Variants in TRIM9 observed in about 807,000 individuals in gnomAD.
TRIM9 encodes the protein E3 ubiquitin-protein ligase TRIM9.
A neutral mutation model predicts 78.3 loss-of-function variants in TRIM9; 26 were observed. The ratio of observed to expected loss-of-function variants is 0.33; its 90% CI spans 0.24 to 0.46. TRIM9 has a LOEUF of 0.46. Ranked by LOEUF, TRIM9 falls within the 20% of genes least tolerant of loss-of-function variation. The probability of loss-of-function intolerance (pLI) is 1.00; values close to 1 mark genes in which losing one functional copy is unlikely to be tolerated. For missense variants in TRIM9, 787 were observed against 1,036.4 expected, an observed-to-expected ratio of 0.76 and a Z score of 3.30; for synonymous variants, 398 against 416.5, an observed-to-expected ratio of 0.96 and a Z score of 0.54.
chr14:50,993,440 C>T (rs951492974), intron 7 of TRIM9, among the ~76,000 whole-genome samples: 1 of 151,672 alleles, frequency 6.6e-6, no homozygotes, highest in Non-Finnish European at 1.5e-5. Flanking sequence ...GCAATCTCAG[C>T]TCACCGCAAC....
At chr14:51,052,526 T>G (rs909375314) in intron 1 of TRIM9, among the ~76,000 whole-genome samples, 5 of 152,338 alleles carry the variant, frequency 3.3e-5, no homozygotes, top group African/African-American at 7.2e-5. Flanking sequence ...ATGGATTTGA[T>G]GTGAAATGGG....
chr14:51,015,505 C>CTTTTCTTTTT (rs1555338411), intron 3 of TRIM9, among the ~76,000 whole-genome samples: 1 of 61,330 alleles, frequency 1.6e-5, no homozygotes, highest in African/African-American at 6.8e-5. Flanking sequence ...CTTTACTTTT[C>CTTTTCTTTTT]TTTTTTTTTT....
intron 1 of TRIM9, among the ~76,000 whole-genome samples, chr14:51,059,626 C>T (rs2061168837): frequency 6.6e-6 from 1 of 151,916 alleles, no homozygotes; most frequent in Admixed American, 6.6e-5. Context: ...GGTGAAACCC[C>T]ATCTCTACTA....
chr14:51,063,636 C>A (rs1300100817), intron 1 of TRIM9, among the ~76,000 whole-genome samples: 2 of 151,960 alleles, frequency 1.3e-5, no homozygotes, highest in Non-Finnish European at 2.9e-5. Context: ...CTATAAGTAA[C>A]AGCTGACTTC....
rs77533096 is a variant in TRIM9, at chr14:51,000,960, G to A, written c.1307-120C>T. ...GAAGTAGCCAGAATGGGGTGCACAG[G>A]GGAACTGAACAGGATCCTTCACAGA... On this transcript the variant is annotated intron_variant, in intron 5 of 12. Transcript: ENST00000684578. 3,327 of 1,189,950 alleles carry A rather than the reference G, an allele frequency of 2.8e-3. 57 individuals carry two copies. In the African/African-American group the frequency reaches 0.043, roughly 16 times the overall value. 73.7% of individuals were successfully genotyped at this position (1,189,950 alleles called of 1,614,324 possible). A position where few individuals can be genotyped will look rare whatever the true frequency, so the allele number is the denominator to read the frequency against.
intron 7 of TRIM9, chr14:50,997,557 C>G: frequency 1.0e-6 from 1 of 997,506 alleles, no homozygotes; most frequent in Non-Finnish European, 1.2e-6. Context: ...CTAAACAGCT[C>G]TAGCACCCCA....
At chr14:51,078,040 T>A (rs955405176) in intron 1 of TRIM9, among the ~76,000 whole-genome samples, 1 of 152,218 alleles carries the variant, frequency 6.6e-6, no homozygotes, top group Non-Finnish European at 1.5e-5. Flanking sequence ...GAACAGCTCA[T>A]GGTCTTATCA....
rs181949524 is a variant in TRIM9, at chr14:51,049,593, C to T, written c.823-24233G>A. Among the ~76,000 whole-genome samples the T allele has an allele frequency of 1.8e-3, 281 of 151,978 alleles. 1 individual carries two copies. Among genetic ancestry groups the T allele is most frequent in the Middle Eastern group, 6.8e-3 (2 of 294 alleles). ...CTGTAATCCCAGCACTTTGGGAGGC[C>T]GAGAGGGGTGGATCATGAGGTCAGG... On this transcript the variant is annotated intron_variant, in intron 1 of 12. Transcript: ENST00000684578.
Position 51,079,578 on chromosome 14 carries a change from T to C in TRIM9, c.822+14540A>G, listed in dbSNP as rs993686231. ...AATCTTATTTTGACATTACAGGTTA[T>C]TGAGCAAGTGCATTACAATAATCTA... On this transcript the variant is annotated intron_variant, in intron 1 of 12. Coordinates refer to ENST00000684578, the MANE Select transcript of TRIM9 (RefSeq NM_001387360.1). Among the ~76,000 whole-genome samples the C allele has an allele frequency of 4.6e-5, 7 of 152,246 alleles. No individual in the cohort carries two copies. In the East Asian group the frequency reaches 7.7e-4, roughly 17 times the overall value.
At chr14:51,013,710 G>T (rs2056840237) in intron 3 of TRIM9, among the ~76,000 whole-genome samples, 1 of 152,042 alleles carries the variant, frequency 6.6e-6, no homozygotes, top group Non-Finnish European at 1.5e-5. Flanking sequence ...CATCCAGTAT[G>T]CCTGACAACC....
rs77674758 is a variant in TRIM9, at chr14:51,059,659, G to T, written c.823-34299C>A. Among the ~76,000 whole-genome samples the T allele has an allele frequency of 1.8e-4, 28 of 151,990 alleles. No homozygotes were observed. In the East Asian group the frequency reaches 5.4e-3, roughly 29 times the overall value. On this transcript the variant is annotated intron_variant, in intron 1 of 12. Transcript: ENST00000684578. Reference sequence around the variant, plus strand: ...CTAAAAATACAAAAATTAGCCGGGCGTGGTGGCACACACCTGCAGTCCTAG... The same window carrying T: ...CTAAAAATACAAAAATTAGCCGGGCTTGGTGGCACACACCTGCAGTCCTAG...
chr14:50,998,505 A>G (rs2054521224), intron 6 of TRIM9, among the ~76,000 whole-genome samples: 1 of 152,242 alleles, frequency 6.6e-6, no homozygotes, highest in Admixed American at 6.5e-5. Context: ...AGGGCTTAAA[A>G]AAAATAAAAC....
At chr14:50,991,883 A>T (rs961495746) in intron 7 of TRIM9, among the ~76,000 whole-genome samples, 12 of 152,234 alleles carry the variant, frequency 7.9e-5, no homozygotes, top group Admixed American at 2.0e-4. Context: ...GGTAGGATCA[A>T]TTCCTGGAGG....
chr14:51,016,241 G>C (rs1377900766), intron 3 of TRIM9, among the ~76,000 whole-genome samples: 1 of 152,150 alleles, frequency 6.6e-6, no homozygotes, highest in African/African-American at 2.4e-5. Context: ...TCAACCCCCG[G>C]GCCGTGGACT....
At chr14:51,011,399 C>A (rs1448012975) in intron 3 of TRIM9, among the ~76,000 whole-genome samples, 1 of 152,114 alleles carries the variant, frequency 6.6e-6, no homozygotes, top group African/African-American at 2.4e-5. Context: ...CCCATGTTGC[C>A]CAAGCTGGTC....
chr14:51,091,951 T>C (rs1275308743), intron 1 of TRIM9, among the ~76,000 whole-genome samples: 1 of 152,210 alleles, frequency 6.6e-6, no homozygotes, highest in East Asian at 1.9e-4. Flanking sequence ...TTTAAAGGTT[T>C]CTTTTGGTCT....
rs114217658 is a variant in TRIM9, at chr14:51,093,608, C to T, written c.822+510G>A. ...GCCGGGCTCATCAGTATTCCGCCTG[C>T]GGCGTCTCCCCGACCCTCCGCCGTG... On this transcript the variant is annotated intron_variant, in intron 1 of 12. Coordinates refer to ENST00000684578, the MANE Select transcript of TRIM9 (RefSeq NM_001387360.1). 2.4e-3 allele frequency among the ~76,000 whole-genome samples: 362 copies of T among 152,346 alleles called. 4 individuals carry two copies. The highest frequency in any genetic ancestry group is 7.9e-3 in the African/African-American group (327 of 41,588).
At chr14:51,054,730 C>T (rs1025481676) in intron 1 of TRIM9, among the ~76,000 whole-genome samples, 5 of 151,634 alleles carry the variant, frequency 3.3e-5, no homozygotes, top group African/African-American at 7.3e-5. Flanking sequence ...CATGCCACTA[C>T]GCCTAGCTAA....
chr14:51,089,067 G>A (rs749879753), intron 1 of TRIM9: 1 of 151,552 alleles, frequency 6.6e-6, no homozygotes, highest in East Asian at 1.9e-4. Flanking sequence ...ACTGAGATTC[G>A]AAGATTTGTT....
Sources: gnomAD v4.1 joint callset for allele counts (sites outside exome capture counted in the v4.1 genomes callset) on GRCh38, gnomAD v4.1.1 for gene constraint, MANE v1.5 for transcripts, NCBI Gene and HGNC (gene_info 2026-07-23, HGNC 2026-07-21) for gene names.